Variants in RSRC1 observed in about 807,000 individuals in gnomAD.
RSRC1 encodes serine/Arginine-related protein 53.
A neutral mutation model predicts 49.1 loss-of-function variants in RSRC1; 39 were observed. The ratio of observed to expected loss-of-function variants is 0.79; its 90% CI spans 0.61 to 1.04. The LOEUF (loss-of-function observed/expected upper bound fraction) is 1.04, where lower values mean the gene tolerates loss of function less well. Ranked by LOEUF, RSRC1 falls within the 50% of genes least tolerant of loss-of-function variation. RSRC1 has a pLI of 0.00. For synonymous variants in RSRC1, 143 were observed against 130.8 expected, an observed-to-expected ratio of 1.09 and a Z score of -0.63; for missense variants, 388 against 402.4, an observed-to-expected ratio of 0.96 and a Z score of 0.31.
At chr3:158,373,768 T>C (rs1732208564) in intron 6 of RSRC1, among the ~76,000 whole-genome samples, 1 of 151,978 alleles carries the variant, frequency 6.6e-6, no homozygotes, top group Non-Finnish European at 1.5e-5. Context: ...CATGGTACCC[T>C]GGTATTAGAA....
intron 6 of RSRC1, among the ~76,000 whole-genome samples, chr3:158,426,257 C>T (rs1336789238): frequency 6.6e-6 from 1 of 151,148 alleles, no homozygotes; most frequent in Non-Finnish European, 1.5e-5. Context: ...GCAAAATAAA[C>T]AAAGTCAAAA....
intron 8 of RSRC1, among the ~76,000 whole-genome samples, chr3:158,542,068 T>C (rs1480691244): frequency 6.6e-6 from 1 of 152,148 alleles, no homozygotes; most frequent in East Asian, 1.9e-4. Flanking sequence ...TACCTTTTTT[T>C]CAAACTTTTA....
intron 4 of RSRC1, among the ~76,000 whole-genome samples, chr3:158,279,575 A>G (rs1202667096): frequency 6.6e-6 from 1 of 152,240 alleles, no homozygotes; most frequent in Non-Finnish European, 1.5e-5. Flanking sequence ...TTTAAATATT[A>G]CTAATAAAAA....
intron 5 of RSRC1, among the ~76,000 whole-genome samples, chr3:158,330,771 C>A (rs1729495620): frequency 6.6e-6 from 1 of 151,710 alleles, no homozygotes; most frequent in Non-Finnish European, 1.5e-5. Context: ...TTTTAAATTG[C>A]TTTCTATAAA....
intron 7 of RSRC1, among the ~76,000 whole-genome samples, chr3:158,472,991 G>A (rs1391429521): frequency 2.0e-5 from 3 of 152,078 alleles, no homozygotes; most frequent in African/African-American, 4.8e-5. Flanking sequence ...TTAGAATGGC[G>A]ATCATTAAAA....
At chr3:158,518,147 TA>T (rs1349573581) in intron 7 of RSRC1, among the ~76,000 whole-genome samples, 170 of 105,122 alleles carry the variant, frequency 1.6e-3, no homozygotes, top group South Asian at 4.1e-3. Flanking sequence ...TATATATATA[TA>T]TTTTTTTTTT....
chr3:158,451,831 T>A (rs1737059301), intron 6 of RSRC1, among the ~76,000 whole-genome samples: 1 of 152,034 alleles, frequency 6.6e-6, no homozygotes, highest in Admixed American at 6.6e-5. Flanking sequence ...CTACTGTATT[T>A]TAGAAAATGA....
chr3:158,120,578 TAC>T (rs887634202), intron 1 of RSRC1, among the ~76,000 whole-genome samples: 6 of 147,266 alleles, frequency 4.1e-5, no homozygotes, highest in African/African-American at 1.2e-4. Context: ...ATATTAAATA[TAC>T]AGTTAATATT....
At chr3:158,160,158 T>C (rs1718134749) in intron 3 of RSRC1, among the ~76,000 whole-genome samples, 1 of 152,176 alleles carries the variant, frequency 6.6e-6, no homozygotes, top group African/African-American at 2.4e-5. Context: ...CAGGTAGTTA[T>C]TAAAACATCC....
chr3:158,115,385 A>G (rs1714732840), intron 1 of RSRC1, among the ~76,000 whole-genome samples: 1 of 151,986 alleles, frequency 6.6e-6, no homozygotes, highest in Admixed American at 6.6e-5. Flanking sequence ...ATGTAGTATA[A>G]AGGACAGAAA....
At chr3:158,219,974 G>A (rs147285328) in intron 4 of RSRC1, among the ~76,000 whole-genome samples, 1 of 151,700 alleles carries the variant, frequency 6.6e-6, no homozygotes, top group African/African-American at 2.4e-5. Flanking sequence ...GTATAGCACA[G>A]TGGTTAATAA....
intron 7 of RSRC1, among the ~76,000 whole-genome samples, chr3:158,467,748 T>G (rs1287389619): frequency 6.6e-6 from 1 of 152,194 alleles, no homozygotes; most frequent in African/African-American, 2.4e-5. Context: ...TAAAGCAAGA[T>G]GTATATTTTT....
chr3:158,484,533 C>A (rs79157621), intron 7 of RSRC1, among the ~76,000 whole-genome samples: 1,623 of 152,060 alleles, frequency 0.011, 22 homozygotes, highest in African/African-American at 0.037. Flanking sequence ...CAAAAATAAC[C>A]TGTCTTGTAA....
At chr3:158,384,741 C>T (rs1451938220) in intron 6 of RSRC1, among the ~76,000 whole-genome samples, 1 of 152,032 alleles carries the variant, frequency 6.6e-6, no homozygotes, top group Non-Finnish European at 1.5e-5. Flanking sequence ...GGAAATAAAC[C>T]CTAGCCCCTC....
chr3:158,208,665 C>T (rs555183971), intron 4 of RSRC1, among the ~76,000 whole-genome samples: 1 of 152,260 alleles, frequency 6.6e-6, no homozygotes, highest in East Asian at 1.9e-4. Context: ...GCCACTGTGC[C>T]AGGCCCTAGA....
chr3:158,277,389 G>A (rs550822486), intron 4 of RSRC1, among the ~76,000 whole-genome samples: 19 of 152,232 alleles, frequency 1.2e-4, no homozygotes, highest in South Asian at 1.0e-3. Context: ...TTGCTTGAAA[G>A]GCATTTATAA....
intron 6 of RSRC1, among the ~76,000 whole-genome samples, chr3:158,355,621 C>T (rs181926023): frequency 6.5e-4 from 99 of 151,910 alleles, no homozygotes; most frequent in Admixed American, 1.4e-3. Flanking sequence ...TTTTAGATAC[C>T]ATGTTCACTT....
chr3:158,456,223 C>A (rs1737308576), intron 6 of RSRC1, among the ~76,000 whole-genome samples: 1 of 151,664 alleles, frequency 6.6e-6, no homozygotes, highest in African/African-American at 2.4e-5. Flanking sequence ...AATTTAGAGA[C>A]CAGATTCCTT....
rs186356107 is a variant in RSRC1, at chr3:158,305,590, C to G, written c.531+7515C>G. Among the ~76,000 whole-genome samples, 9 of 152,142 alleles carry G rather than the reference C, an allele frequency of 5.9e-5. No individual in the cohort carries two copies. In the East Asian group the frequency reaches 1.7e-3, roughly 29 times the overall value. On this transcript the variant is annotated intron_variant, in intron 5 of 9. Transcript: ENST00000611884. ...TTTCAGGGGCTTTCTTGGGATCTAA[C>G]TTAAGTAACTGTAGAGAGAGAACTA...
Sources: gnomAD v4.1 joint callset for allele counts (sites outside exome capture counted in the v4.1 genomes callset) on GRCh38, gnomAD v4.1.1 for gene constraint, MANE v1.5 for transcripts, NCBI Gene and HGNC (gene_info 2026-07-23, HGNC 2026-07-21) for gene names.